GLIPR1L1: variants seen among roughly 807,000 people sequenced by gnomAD.
GLIPR1L1 encodes the protein GLIPR1-like protein 1.
Under a neutral mutation model 29.9 loss-of-function variants are expected in GLIPR1L1, and 26 were observed. The ratio of observed to expected loss-of-function variants is 0.87; its 90% CI spans 0.64 to 1.21. The LOEUF (loss-of-function observed/expected upper bound fraction) is 1.21. Among genes scored for constraint, GLIPR1L1 ranks in the 50% most tolerant of loss-of-function variants. The pLI, the probability that GLIPR1L1 is intolerant of heterozygous loss-of-function variation, is 0.00. For missense variants in GLIPR1L1, 305 were observed against 290.3 expected, an observed-to-expected ratio of 1.05 and a Z score of -0.37; for synonymous variants, 77 against 97.5, an observed-to-expected ratio of 0.79 and a Z score of 1.24.
At chr12:75,359,268 CATA>C (rs969741772) in intron 3 of GLIPR1L1, among the ~76,000 whole-genome samples, 2 of 145,690 alleles carry the variant, frequency 1.4e-5, no homozygotes, top group South Asian at 2.2e-4. Flanking sequence ...CTGAAAACTA[CATA>C]ATATCATGAG....
intron 1 of GLIPR1L1, among the ~76,000 whole-genome samples, chr12:75,342,104 C>T (rs1379860213): frequency 1.3e-5 from 2 of 152,070 alleles, no homozygotes; most frequent in African/African-American, 4.8e-5. Context: ...GATTGGTGAT[C>T]GCCAGGGGTT....
chr12:75,357,901 C>G (rs932250553), intron 3 of GLIPR1L1, among the ~76,000 whole-genome samples: 11 of 150,106 alleles, frequency 7.3e-5, no homozygotes, highest in African/African-American at 2.4e-4. Context: ...AAAAAAAGAA[C>G]AGTCTCCAGT....
chr12:75,347,246 G>T (rs1257021574), intron 2 of GLIPR1L1, among the ~76,000 whole-genome samples: 1 of 151,946 alleles, frequency 6.6e-6, no homozygotes, highest in Non-Finnish European at 1.5e-5. Context: ...ATAAATGTAA[G>T]TTATTGTTTT....
At chr12:75,362,922 T>G (rs980402511) in intron 3 of GLIPR1L1, among the ~76,000 whole-genome samples, 180 bp from the exon 4 acceptor site, 17 of 152,304 alleles carry the variant, frequency 1.1e-4, no homozygotes, top group African/African-American at 4.1e-4. Context: ...ATTCATCCTG[T>G]AAGGAATTGT....
intron 3 of GLIPR1L1, among the ~76,000 whole-genome samples, chr12:75,362,417 G>T (rs940742468): frequency 6.6e-6 from 1 of 152,116 alleles, no homozygotes; most frequent in African/African-American, 2.4e-5. Flanking sequence ...TCCCTATAAT[G>T]ATGTATGTAT....
intron 3 of GLIPR1L1, chr12:75,360,701 G>A (rs886074660): frequency 6.6e-6 from 1 of 152,212 alleles, no homozygotes; most frequent in Non-Finnish European, 1.5e-5. Flanking sequence ...CTGAGGTCTG[G>A]AGAATGGTGG....
At chr12:75,356,091 A>G (rs1266708986) in intron 3 of GLIPR1L1, among the ~76,000 whole-genome samples, 1 of 152,162 alleles carries the variant, frequency 6.6e-6, no homozygotes, top group Non-Finnish European at 1.5e-5. Flanking sequence ...ACATTTACCT[A>G]TGTCACAAAC....
chr12:75,353,707 A>G (rs1348127699), intron 3 of GLIPR1L1, among the ~76,000 whole-genome samples: 3 of 152,186 alleles, frequency 2.0e-5, no homozygotes, highest in Non-Finnish European at 2.9e-5. Context: ...ACTTCAGGCC[A>G]ATATCCCTGA....
chr12:75,355,003 A>C (rs1209846358), intron 3 of GLIPR1L1, among the ~76,000 whole-genome samples: 1 of 152,118 alleles, frequency 6.6e-6, no homozygotes, highest in Non-Finnish European at 1.5e-5. Context: ...AGGCTTAAAT[A>C]TAAAACCCAA....
chr12:75,366,130 T>C (rs907693756), intron 4 of GLIPR1L1, among the ~76,000 whole-genome samples: 2 of 152,220 alleles, frequency 1.3e-5, no homozygotes, highest in Non-Finnish European at 2.9e-5. Context: ...GCATGTGGGC[T>C]TATTATTTTA....
At chr12:75,365,416 T>C (rs1037678643) in intron 4 of GLIPR1L1, among the ~76,000 whole-genome samples, 11 of 152,178 alleles carry the variant, frequency 7.2e-5, no homozygotes, top group African/African-American at 1.2e-4. Context: ...TAAAAAATTA[T>C]AACCTGATAC....
At chr12:75,362,004 A>G (rs912428238) in intron 3 of GLIPR1L1, among the ~76,000 whole-genome samples, 1 of 152,174 alleles carries the variant, frequency 6.6e-6, no homozygotes, top group Non-Finnish European at 1.5e-5. Context: ...ACATTAAAAC[A>G]ATGATATATA....
At chr12:75,367,097 G>A (rs2044020964) in intron 4 of GLIPR1L1, 2 of 692,896 alleles carry the variant, frequency 2.9e-6, no homozygotes, top group East Asian at 5.4e-5. Flanking sequence ...TTAATTTGGG[G>A]AGAAAACGTA....
chr12:75,367,664 C>G (rs749122732), intron 4 of GLIPR1L1, among the ~76,000 whole-genome samples: 25 of 152,020 alleles, frequency 1.6e-4, no homozygotes, highest in Non-Finnish European at 3.1e-4. Context: ...TCTATTAACA[C>G]TTTTACCAAA....
At chr12:75,367,369 C>G (rs2044045755) in intron 4 of GLIPR1L1, among the ~76,000 whole-genome samples, 1 of 148,336 alleles carries the variant, frequency 6.7e-6, no homozygotes, top group African/African-American at 2.5e-5. Flanking sequence ...TATTTTATTT[C>G]TTTATGTCCG....
chr12:75,358,231 A>C (rs1376018615), intron 3 of GLIPR1L1, among the ~76,000 whole-genome samples: 3 of 151,864 alleles, frequency 2.0e-5, no homozygotes, highest in African/African-American at 7.2e-5. Flanking sequence ...CTTGGATGAA[A>C]TGAGAGAATT....
At chr12:75,359,143 A>G (rs1283128415) in intron 3 of GLIPR1L1, among the ~76,000 whole-genome samples, 2 of 150,434 alleles carry the variant, frequency 1.3e-5, no homozygotes, top group African/African-American at 4.8e-5. Context: ...AAAATTAATT[A>G]CATGTCTGTA....
At chr12:75,361,101 C>T (rs1279987433) in intron 3 of GLIPR1L1, 1 of 152,058 alleles carries the variant, frequency 6.6e-6, no homozygotes, top group African/African-American at 2.4e-5. Context: ...GGGATGGTTC[C>T]CCTACCCAAA....
intron 3 of GLIPR1L1, among the ~76,000 whole-genome samples, chr12:75,349,516 G>A (rs2042667348): frequency 6.6e-6 from 1 of 152,156 alleles, no homozygotes; most frequent in African/African-American, 2.4e-5. Context: ...GAATCAATAA[G>A]TTGAAATGAA....
Sources: gnomAD v4.1 joint callset for allele counts (sites outside exome capture counted in the v4.1 genomes callset) on GRCh38, gnomAD v4.1.1 for gene constraint, MANE v1.5 for transcripts, NCBI Gene and HGNC (gene_info 2026-07-23, HGNC 2026-07-21) for gene names.